FMNL2: variants seen among roughly 807,000 people sequenced by gnomAD.
FMNL2 encodes formin-like protein 2.
FMNL2 carries 51 observed loss-of-function variants against 130.2 expected under a neutral mutation model. That is an observed-to-expected ratio of 0.39 (90% CI 0.31 to 0.49). The LOEUF (loss-of-function observed/expected upper bound fraction) is 0.49, where lower values mean the gene tolerates loss of function less well. Ranked by LOEUF, FMNL2 falls within the 20% of genes least tolerant of loss-of-function variation. FMNL2 has a pLI of 0.85. For missense variants in FMNL2, 977 were observed against 1,316.2 expected, an observed-to-expected ratio of 0.74 and a Z score of 3.99; for synonymous variants, 465 against 467.1, an observed-to-expected ratio of 1.00 and a Z score of 0.06.
rs377206456 is a variant in FMNL2 at position 152,640,199 on chromosome 2, G to A, written c.3045+143G>A. ...CTGGTGCCTGGACACTTGGCAAATG[G>A]AAATATGCTCATTGATTACTTTGTT... On this transcript the variant is annotated intron_variant, in intron 24 of 25. Coordinates refer to ENST00000288670, the MANE Select transcript of FMNL2 (RefSeq NM_052905.4). 13 of 641,686 alleles carry A rather than the reference G, an allele frequency of 2.0e-5. No homozygotes were observed. In the East Asian group the frequency reaches 2.6e-4, roughly 13 times the overall value. The allele number at this position is 641,686 out of a possible 1,614,324, so 39.7% of individuals were successfully genotyped here. A position where few individuals can be genotyped will look rare whatever the true frequency, so the allele number is the denominator to read the frequency against.
chr2:152,566,662 T>C (rs1256307372), intron 6 of FMNL2, among the ~76,000 whole-genome samples: 1 of 152,212 alleles, frequency 6.6e-6, no homozygotes, highest in Admixed American at 6.5e-5. Flanking sequence ...TATTAAATAA[T>C]ATATTTGTAT....
chr2:152,578,747 A>T, intron 7 of FMNL2, 141 bp from the exon 8 acceptor site: 1 of 615,100 alleles, frequency 1.6e-6, no homozygotes. Context: ...ACAGTGATAT[A>T]CTAGAGACAT....
In FMNL2 at chr2:152,638,247, T is replaced by C. The variant is rs190213956; in HGVS notation, c.2946+573T>C. ...TTGGACATAATCCAGGGCTGTGGTC[T>C]TGAAAAAGCCTATGACGCAAAGAGA... On this transcript the variant is annotated intron_variant, in intron 23 of 25. Transcript: ENST00000288670. Among the ~76,000 whole-genome samples, 36 of 152,326 alleles carry C rather than the reference T, an allele frequency of 2.4e-4. No homozygotes were observed. In the East Asian group the frequency reaches 6.2e-3, roughly 26 times the overall value.
In FMNL2 at chr2:152,647,863, T is replaced by A. The variant is rs370464251; in HGVS notation, c.3237T>A (p.Asp1079Glu). ...VRRSVRRRFD[D>E]QNLRSVNGAE... is the part of the protein sequence containing the mutation. Reference sequence around the variant, plus strand: ...GAAGCGTCAGGCGGCGCTTTGATGATCAGAACTTGCGTTCTGTTAATGGTG... The same window carrying A: ...GAAGCGTCAGGCGGCGCTTTGATGAACAGAACTTGCGTTCTGTTAATGGTG... The change falls in exon 26 of 26, where the codon GAT becomes GAA. Residue 1079 changes from aspartate to glutamate, a missense_variant. Physicochemically the swap from Asp to Glu is conservative, Grantham distance 45 (BLOSUM62 2). Transcript: ENST00000288670. The A allele has an allele frequency of 2.5e-6, 4 of 1,613,788 alleles. No homozygotes were observed. Among genetic ancestry groups the A allele is most frequent in the Non-Finnish European group, 3.4e-6 (4 of 1,179,838 alleles).
intron 1 of FMNL2, among the ~76,000 whole-genome samples, chr2:152,453,479 A>G (rs1045092857): frequency 2.6e-5 from 4 of 152,154 alleles, no homozygotes; most frequent in African/African-American, 9.7e-5. Flanking sequence ...GGGACGATCC[A>G]GTTTGTGGAT....
rs138955584 is a variant in FMNL2, at chr2:152,552,143, C to T, written c.359+3046C>T. Among the ~76,000 whole-genome samples, 7 of 152,280 alleles carry T rather than the reference C, an allele frequency of 4.6e-5. No individual in the cohort carries two copies. In the East Asian group the frequency reaches 7.7e-4, roughly 17 times the overall value. Reference sequence around the variant, plus strand: ...ATTGATAAAATTAGTATAATACTTACATCACAGGAATATTATAAGGATTAG... The same window carrying T: ...ATTGATAAAATTAGTATAATACTTATATCACAGGAATATTATAAGGATTAG... On this transcript the variant is annotated intron_variant, in intron 4 of 25. Transcript: ENST00000288670.
At chr2:152,608,553 T>C (rs1362571725) in intron 10 of FMNL2, among the ~76,000 whole-genome samples, 1 of 148,608 alleles carries the variant, frequency 6.7e-6, no homozygotes, top group Non-Finnish European at 1.5e-5. Flanking sequence ...TATATACATA[T>C]ATATGTATAT....
At chr2:152,428,598 C>G (rs144387925) in intron 1 of FMNL2, among the ~76,000 whole-genome samples, 368 of 152,288 alleles carry the variant, frequency 2.4e-3, no homozygotes, top group African/African-American at 8.6e-3. Context: ...TTTAAGGACT[C>G]TCTTTTAAAA....
chr2:152,467,226 C>T (rs1231302142), intron 1 of FMNL2, among the ~76,000 whole-genome samples: 2 of 152,094 alleles, frequency 1.3e-5, no homozygotes, highest in Middle Eastern at 3.2e-3. Flanking sequence ...CCATCTACCC[C>T]AGCACCTTAT....
chr2:152,467,434 T>G (rs189244582), intron 1 of FMNL2, among the ~76,000 whole-genome samples: 12 of 152,288 alleles, frequency 7.9e-5, no homozygotes, highest in African/African-American at 2.9e-4. Context: ...TAACGGGTAC[T>G]TCACCCCACT....
intron 1 of FMNL2, among the ~76,000 whole-genome samples, chr2:152,391,370 G>T (rs772536746): frequency 1.1e-4 from 16 of 152,216 alleles, no homozygotes; most frequent in Non-Finnish European, 1.9e-4. Flanking sequence ...AGAAGACAAT[G>T]GTGAAGGAAC....
At chr2:152,386,173 A>G (rs901690509) in intron 1 of FMNL2, among the ~76,000 whole-genome samples, 2 of 152,176 alleles carry the variant, frequency 1.3e-5, no homozygotes, top group African/African-American at 4.8e-5. Flanking sequence ...CCCTGCTGAG[A>G]TTTATTCCCA....
intron 1 of FMNL2, among the ~76,000 whole-genome samples, chr2:152,480,661 A>AAAAAG (rs1690463964): frequency 7.2e-6 from 1 of 138,246 alleles, no homozygotes; most frequent in African/African-American, 2.7e-5. Flanking sequence ...AAAAAAAAAA[A>AAAAAG]GTGAAAATCA....
intron 1 of FMNL2, among the ~76,000 whole-genome samples, chr2:152,406,129 CTATA>C (rs1685966722): frequency 1.4e-5 from 2 of 142,612 alleles, no homozygotes; most frequent in Non-Finnish European, 3.0e-5. Context: ...TTCCCTATGT[CTATA>C]AGTGTATGCT....
chr2:152,570,021 G>A (rs370032447), intron 6 of FMNL2, among the ~76,000 whole-genome samples: 1 of 93,820 alleles, frequency 1.1e-5, no homozygotes, highest in East Asian at 3.4e-4. Context: ...AAAAAAAAAA[G>A]AAAAGAAAAG....
chr2:152,393,689 T>C (rs1291126043), intron 1 of FMNL2, among the ~76,000 whole-genome samples: 1 of 152,260 alleles, frequency 6.6e-6, no homozygotes, highest in Non-Finnish European at 1.5e-5. Flanking sequence ...AAAATCTCTT[T>C]TGCCTATTTA....
intron 9 of FMNL2, among the ~76,000 whole-genome samples, chr2:152,593,860 A>AGAGAGAGG (rs1365489869): frequency 2.6e-5 from 3 of 113,294 alleles, no homozygotes; most frequent in Non-Finnish European, 5.1e-5. Context: ...AGAGAGAGAG[A>AGAGAGAGG]GTGTGTGTGT....
intron 2 of FMNL2, among the ~76,000 whole-genome samples, chr2:152,533,493 A>T (rs560449499): frequency 6.7e-6 from 1 of 148,674 alleles, no homozygotes; most frequent in African/African-American, 2.5e-5. Flanking sequence ...CCTTACGCCA[A>T]TATGTCTCTG....
At chr2:152,474,073 TG>T (rs1690003774) in intron 1 of FMNL2, among the ~76,000 whole-genome samples, 1 of 152,086 alleles carries the variant, frequency 6.6e-6, no homozygotes, top group East Asian at 1.9e-4. Context: ...GATAGCGTTT[TG>T]CTATATTGGC....
Sources: gnomAD v4.1 joint callset for allele counts (sites outside exome capture counted in the v4.1 genomes callset) on GRCh38, gnomAD v4.1.1 for gene constraint, MANE v1.5 for transcripts, NCBI Gene and HGNC (gene_info 2026-07-23, HGNC 2026-07-21) for gene names.